The following EMC3 variants were observed in gnomAD, a reference collection of about 807,000 sequenced individuals.
EMC3 encodes the protein 30 kDa protein.
Under a neutral mutation model 36.6 loss-of-function variants are expected in EMC3, and 13 were observed. That is an observed-to-expected ratio of 0.35 (90% CI 0.23 to 0.56). EMC3 has a LOEUF of 0.56. Ranked by LOEUF, EMC3 falls within the 20% of genes least tolerant of loss-of-function variation. The probability of loss-of-function intolerance (pLI) is 0.84; values close to 1 mark genes in which losing one functional copy is unlikely to be tolerated. For missense variants in EMC3, 220 were observed against 324.5 expected (o/e 0.68, Z 2.47); for synonymous variants, 120 against 111.9 (o/e 1.07, Z -0.46).
intron 1 of EMC3, among the ~76,000 whole-genome samples, chr3:9,985,533 T>C (rs1042021295): frequency 6.6e-6 from 1 of 152,188 alleles, no homozygotes; most frequent in African/African-American, 2.4e-5. Flanking sequence ...ACTATTACTT[T>C]AATATGAGGG....
chr3:9,968,315 T>A (rs907047010), intron 7 of EMC3, among the ~76,000 whole-genome samples: 2 of 152,266 alleles, frequency 1.3e-5, no homozygotes, highest in Non-Finnish European at 2.9e-5. Flanking sequence ...CAATTCTTCA[T>A]TACCAGTGTA....
chr3:9,992,579 G>A (rs2086068347), intron 1 of EMC3, among the ~76,000 whole-genome samples: 1 of 152,138 alleles, frequency 6.6e-6, no homozygotes, highest in Admixed American at 6.6e-5. Flanking sequence ...TACTGGAGTT[G>A]GCAAGTGATT....
chr3:9,971,713 ACTC>A (rs2085787158), intron 5 of EMC3, among the ~76,000 whole-genome samples: 1 of 152,194 alleles, frequency 6.6e-6, no homozygotes, highest in Admixed American at 6.5e-5. Context: ...GACTCATGCT[ACTC>A]ATATAATGTA....
upstream of EMC3, among the ~76,000 whole-genome samples, chr3:9,989,630 A>G (rs1313184580): frequency 1.3e-5 from 2 of 152,238 alleles, no homozygotes; most frequent in Admixed American, 6.5e-5. Flanking sequence ...GAATAAAGCA[A>G]TGAAAAAAAT....
chr3:9,996,513 A>C (rs140021788), intron 1 of EMC3, among the ~76,000 whole-genome samples: 1 of 152,046 alleles, frequency 6.6e-6, no homozygotes, highest in Non-Finnish European at 1.5e-5. Context: ...CTTGTAACTC[A>C]TTTGTATCTT....
At chr3:9,986,896 G>A, upstream of EMC3, 1 of 1,322,712 alleles carries the variant, frequency 7.6e-7, no homozygotes, top group Non-Finnish European at 9.7e-7. Context: ...TCAGAGCGGC[G>A]TCGGGCCTGG....
At chr3:10,005,426 C>T (rs1441164552) in intron 1 of EMC3, among the ~76,000 whole-genome samples, 1 of 152,124 alleles carries the variant, frequency 6.6e-6, no homozygotes, top group Non-Finnish European at 1.5e-5. Flanking sequence ...CCAGGCATGC[C>T]AGTGACCCGC....
intron 7 of EMC3, 192 bp downstream of exon 7, chr3:9,969,527 C>A: frequency 6.8e-7 from 1 of 1,469,454 alleles, no homozygotes; most frequent in Non-Finnish European, 9.0e-7. Flanking sequence ...CCAGTAAAAG[C>A]ACCAAGAATT....
At chr3:9,999,351 C>T (rs1320285732) in intron 1 of EMC3, among the ~76,000 whole-genome samples, 1 of 151,458 alleles carries the variant, frequency 6.6e-6, no homozygotes, top group Admixed American at 6.6e-5. Context: ...AGACAATTCT[C>T]CTGCCTCAGC....
At chr3:9,969,272 C>T in intron 7 of EMC3, 1 of 1,050,018 alleles carries the variant, frequency 9.5e-7, no homozygotes, top group Non-Finnish European at 1.2e-6. Flanking sequence ...AACTTCCCTT[C>T]TCTTTTAGTT....
chr3:9,966,463 C>A (rs1428911206), intron 7 of EMC3, among the ~76,000 whole-genome samples: 1 of 152,028 alleles, frequency 6.6e-6, no homozygotes, highest in African/African-American at 2.4e-5. Context: ...CCTTGTGATC[C>A]ACCCACCTCA....
chr3:9,979,890 T>C (rs2085890662), intron 1 of EMC3, among the ~76,000 whole-genome samples: 1 of 152,156 alleles, frequency 6.6e-6, no homozygotes, highest in Non-Finnish European at 1.5e-5. Flanking sequence ...GTAAACACTC[T>C]GCCTCTGAGG....
chr3:10,003,708 C>G (rs559301340), intron 1 of EMC3: 3 of 175,112 alleles, frequency 1.7e-5, no homozygotes, highest in African/African-American at 7.1e-5. Flanking sequence ...CAATATTGTA[C>G]GGTTGTATCA....
At chr3:10,007,609 GAC>G (rs747183446) in intron 1 of EMC3, 6 of 1,367,424 alleles carry the variant, frequency 4.4e-6, no homozygotes, top group Non-Finnish European at 4.9e-6. Flanking sequence ...TTGATGGCAA[GAC>G]ACAGCAGCAG....
intron 1 of EMC3, among the ~76,000 whole-genome samples, chr3:9,980,239 C>T (rs1255124882): frequency 6.6e-6 from 1 of 152,028 alleles, no homozygotes; most frequent in African/African-American, 2.4e-5. Context: ...GTCTCGAATT[C>T]CTGACATCAG....
At chr3:9,971,954 G>C (rs2085790156) in intron 5 of EMC3, among the ~76,000 whole-genome samples, 2 of 152,146 alleles carry the variant, frequency 1.3e-5, no homozygotes, top group Non-Finnish European at 2.9e-5. Context: ...CTAGGTTCCA[G>C]ATATTGTAGC....
chr3:9,972,910 G>C (rs1310447250), intron 5 of EMC3, among the ~76,000 whole-genome samples: 1 of 149,454 alleles, frequency 6.7e-6, no homozygotes, highest in East Asian at 2.0e-4. Context: ...CTCACTGCAA[G>C]CTCCGCCTCC....
chr3:9,974,376 T>A lies in EMC3; in HGVS notation c.412+8A>T. On this transcript the variant is annotated splice_region_variant and intron_variant, in intron 4 of 7. Coordinates refer to ENST00000245046, the MANE Select transcript of EMC3 (RefSeq NM_001394674.1). ...GGTAACATGAAGTCGGCTGGGTCTG[T>A]AACTTACTTGTGACAAAGCCTGAGA... The A allele has an allele frequency of 6.3e-7, 1 of 1,599,800 alleles. No homozygotes were observed. The highest frequency in any genetic ancestry group is 8.6e-7 in the Non-Finnish European group (1 of 1,166,922).
chr3:9,986,783 T>C lies in EMC3; in HGVS notation c.-122A>G. The C allele has an allele frequency of 1.3e-6, 2 of 1,493,332 alleles. No individual in the cohort carries two copies. Among genetic ancestry groups the C allele is most frequent in the Non-Finnish European group, 8.9e-7 (1 of 1,121,682 alleles). The allele number at this position is 1,493,332 out of a possible 1,614,324, so 92.5% of individuals were successfully genotyped here. A position where few individuals can be genotyped will look rare whatever the true frequency, so the allele number is the denominator to read the frequency against. The stretch of plus-strand genomic sequence containing the variant: ...CCCCTTTGCCCGTGTACCCCAGAAC[T>C]CTCCTGCGACTGTGAGCCGAGCTTA... On this transcript the variant is annotated 5_prime_UTR_variant, in exon 1 of 8. Transcript: ENST00000245046.
Sources: gnomAD v4.1 joint callset for allele counts (sites outside exome capture counted in the v4.1 genomes callset) on GRCh38, gnomAD v4.1.1 for gene constraint, MANE v1.5 for transcripts, NCBI Gene and HGNC (gene_info 2026-07-23, HGNC 2026-07-21) for gene names.